Variants in GRIN2D observed in about 807,000 individuals in gnomAD.
GRIN2D encodes the protein glutamate receptor ionotropic, NMDA 2D.
GRIN2D carries 37 observed loss-of-function variants against 103.2 expected under a neutral mutation model. The ratio of observed to expected loss-of-function variants is 0.36; its 90% CI spans 0.28 to 0.47. The LOEUF is 0.47. Among genes scored for constraint, GRIN2D ranks in the 20% least tolerant of loss-of-function variants. The probability of loss-of-function intolerance (pLI) is 1.00; values close to 1 mark genes in which losing one functional copy is unlikely to be tolerated. For missense variants in GRIN2D, 1,557 were observed against 1,910.6 expected (o/e 0.81, Z 3.45); for synonymous variants, 845 against 885.6 (o/e 0.95, Z 0.81).
In GRIN2D at chr19:48,394,577, G is replaced by T. The variant is rs1318078791; in HGVS notation, c.-305-81G>T. ...CGGCAGAGGGGGGCACCCCGGGTGG[G>T]CGGAGGGGGGATCCCCACGGGGTCG... On this transcript the variant is annotated intron_variant, in intron 1 of 13. Coordinates refer to ENST00000263269, the MANE Select transcript of GRIN2D (RefSeq NM_000836.4). The surrounding 1 kb of genome is among the most constrained non-coding windows in gnomAD (Gnocchi z 5.1). Among the ~76,000 whole-genome samples, 1 of 151,082 alleles carries T rather than the reference G, an allele frequency of 6.6e-6. No individual in the cohort carries two copies. Among genetic ancestry groups the T allele is most frequent in the Non-Finnish European group, 1.5e-5 (1 of 67,648 alleles).
At chr19:48,419,166 A>C (rs1306731156) in intron 8 of GRIN2D, 68 bp from the exon 9 acceptor site, 34 of 1,494,762 alleles carry the variant, frequency 2.3e-5, no homozygotes, top group Non-Finnish European at 3.0e-5. Context: ...GGCGTGAGGC[A>C]CCGCCCCAGC....
chr19:48,442,806 C>T lies in GRIN2D; in HGVS notation c.2880C>T (p.Gly960=), dbSNP rs1971316393. ...GPPGGAGLAD[G]FHRYYGPIEP... ...CGGGGGGCGCGGGCCTGGCCGACGG[C>T]TTCCACCGCTACTACGGCCCCATCG... is the stretch of plus-strand genomic sequence containing the variant. The change falls in exon 14 of 14, where the codon GGC becomes GGT. Residue 960 remains glycine, a synonymous_variant. Coordinates refer to ENST00000263269, the MANE Select transcript of GRIN2D (RefSeq NM_000836.4). The surrounding 1 kb of genome is among the most constrained non-coding windows in gnomAD (Gnocchi z 7.2). 9.3e-7 allele frequency: 1 copy of T among 1,075,572 alleles called. No individual in the cohort carries two copies. The highest frequency in any genetic ancestry group is 1.1e-6 in the Non-Finnish European group (1 of 889,612). The allele number at this position is 1,075,572 out of a possible 1,614,324, so 66.6% of individuals were successfully genotyped here.
Position 48,443,206 on chromosome 19 carries a change from C to G in GRIN2D, c.3280C>G (p.Pro1094Ala). 1 of 1,257,068 alleles carries G rather than the reference C, an allele frequency of 8.0e-7. No homozygotes were observed. The highest frequency in any genetic ancestry group is 3.4e-5 in the East Asian group (1 of 29,224). 77.9% of individuals were successfully genotyped at this position (1,257,068 alleles called of 1,614,324 possible). The change falls in exon 14 of 14, where the codon CCC becomes GCC. Residue 1094 changes from proline (P) to alanine (A), a missense_variant. Physicochemically the swap from Pro to Ala is conservative, Grantham distance 27. Coordinates refer to ENST00000263269, the MANE Select transcript of GRIN2D (RefSeq NM_000836.4). This position sits in a 1 kb window ranked among gnomAD's most constrained non-coding sequence, Gnocchi z 8.9. Reference protein sequence around the residue: ...GAGGGAPAAPPPCRAAPPPCP... With the variant: ...GAGGGAPAAPAPCRAAPPPCP... ...AGGCGGAGGAGCCCCGGCCGCTCCGCCCCCGTGCCGCGCCGCGCCGCCCCC... is the reference window on the plus strand; with the variant it reads ...AGGCGGAGGAGCCCCGGCCGCTCCGGCCCCGTGCCGCGCCGCGCCGCCCCC...
At chr19:48,401,992 T>C (rs1017587919) in intron 3 of GRIN2D, among the ~76,000 whole-genome samples, 10 of 151,862 alleles carry the variant, frequency 6.6e-5, no homozygotes, top group Non-Finnish European at 1.5e-4. Context: ...CCCAGCTACT[T>C]GGGAGGCTGA....
intron 11 of GRIN2D, among the ~76,000 whole-genome samples, chr19:48,439,730 G>A (rs945292551): frequency 1.3e-5 from 2 of 152,202 alleles, no homozygotes; most frequent in African/African-American, 4.8e-5. Context: ...GATAACCTGA[G>A]GTTGGGAGTT....
chr19:48,410,093 A>G (rs1049720895), intron 4 of GRIN2D, among the ~76,000 whole-genome samples: 2 of 150,866 alleles, frequency 1.3e-5, no homozygotes, highest in African/African-American at 4.9e-5. Flanking sequence ...CCTGGACTTG[A>G]TTCTGAGAGT....
chr19:48,397,107 C>G (rs1403858109), intron 2 of GRIN2D, among the ~76,000 whole-genome samples: 1 of 151,296 alleles, frequency 6.6e-6, no homozygotes, highest in Non-Finnish European at 1.5e-5. Context: ...CCACCCCACC[C>G]AGCTCTCCAC....
At chr19:48,440,188 G>A in intron 11 of GRIN2D, among the ~76,000 whole-genome samples, 1 of 152,262 alleles carries the variant, frequency 6.6e-6, no homozygotes, top group East Asian at 1.9e-4. Context: ...TCCAGCCTGG[G>A]GGACAAGAGT....
rs533138022 is a variant in GRIN2D at position 48,432,953 on chromosome 19, G to A, written c.2253-8816G>A. Among the ~76,000 whole-genome samples the A allele has an allele frequency of 7.0e-4, 105 of 150,282 alleles. 1 individual carries two copies. Among genetic ancestry groups the A allele is most frequent in the African/African-American group, 2.4e-3 (100 of 41,150 alleles). On this transcript the variant is annotated intron_variant, in intron 11 of 13. Transcript: ENST00000263269. ...CTACAGGCGCCCGCAACCATGCCCA[G>A]CTAATTTTTGTATTTTCAGTAGAGG...
chr19:48,397,464 T>C (rs1368666152), intron 2 of GRIN2D, among the ~76,000 whole-genome samples: 1 of 152,058 alleles, frequency 6.6e-6, no homozygotes, highest in Non-Finnish European at 1.5e-5. Flanking sequence ...TCTGTCCTCC[T>C]GTTTTCGCTC....
chr19:48,430,037 T>C (rs1185017189), intron 11 of GRIN2D, among the ~76,000 whole-genome samples: 1 of 152,224 alleles, frequency 6.6e-6, no homozygotes, highest in African/African-American at 2.4e-5. Context: ...CTTCTCACTA[T>C]GGAAGACATA....
At position 48,442,409 on chromosome 19, in the gene GRIN2D, G is replaced by A. The variant is rs201199379; in HGVS notation, c.2673+27G>A. On this transcript the variant is annotated intron_variant, in intron 13 of 13. Transcript: ENST00000263269. The surrounding 1 kb of genome is among the most constrained non-coding windows in gnomAD (Gnocchi z 7.2). ...TATGGGGCAGAGAGGGAGGCAGAGA[G>A]GGGGAGATGGCAGGGGCGGGGACAA... The A allele has an allele frequency of 6.3e-6, 10 of 1,588,682 alleles. 1 individual carries two copies. The African/African-American group carries it at 6.7e-5, about 11-fold the overall frequency.
intron 3 of GRIN2D, among the ~76,000 whole-genome samples, chr19:48,399,971 G>A (rs914273463): frequency 6.6e-6 from 1 of 152,100 alleles, no homozygotes; most frequent in Admixed American, 6.5e-5. Flanking sequence ...GTTTGAGAAG[G>A]GGCATACCCC....
In GRIN2D at chr19:48,442,429, G is replaced by A. The variant is rs1340317573; in HGVS notation, c.2673+47G>A. The stretch of plus-strand genomic sequence containing the variant: ...AGAGAGGGGGAGATGGCAGGGGCGG[G>A]GACAAAGGTAAAGCCGAGCAGAGAC... On this transcript the variant is annotated intron_variant, in intron 13 of 13. Coordinates refer to ENST00000263269, the MANE Select transcript of GRIN2D (RefSeq NM_000836.4). This position sits in a 1 kb window ranked among gnomAD's most constrained non-coding sequence, Gnocchi z 7.2. The A allele has an allele frequency of 1.3e-6, 2 of 1,573,820 alleles. No homozygotes were observed. Among genetic ancestry groups the A allele is most frequent in the East Asian group, 4.5e-5 (2 of 44,584 alleles).
intron 11 of GRIN2D, among the ~76,000 whole-genome samples, chr19:48,424,354 G>T (rs935546766): frequency 3.8e-4 from 54 of 143,754 alleles, no homozygotes; most frequent in Admixed American, 1.1e-3. Context: ...CACTGCAAGC[G>T]CCGCCTCCCG....
rs189617995 is a variant in GRIN2D, at chr19:48,403,477, T to C, written c.466-1257T>C. On this transcript the variant is annotated intron_variant, in intron 3 of 13. Transcript: ENST00000263269. ...CTGGTCCTTGATTCAGGATAAATTTTATTTAATTTTAATTTGAATAGTTAT... is the reference window on the plus strand; with the variant it reads ...CTGGTCCTTGATTCAGGATAAATTTCATTTAATTTTAATTTGAATAGTTAT... 2.4e-3 allele frequency among the ~76,000 whole-genome samples: 367 copies of C among 152,324 alleles called. 1 individual carries two copies. The highest frequency in any genetic ancestry group is 3.8e-3 in the Non-Finnish European group (257 of 68,028).
rs569486566 is a variant in GRIN2D at position 48,434,590 on chromosome 19, T to A, written c.2253-7179T>A. Among the ~76,000 whole-genome samples, 113 of 152,022 alleles carry A rather than the reference T, an allele frequency of 7.4e-4. 1 individual carries two copies. In the South Asian group the frequency reaches 0.012, roughly 17 times the overall value. On this transcript the variant is annotated intron_variant, in intron 11 of 13. Transcript: ENST00000263269. ...TTTCTTTTCTTTCGAACTTCTTTTT[T>A]AAAAATTTTTAATTGTATTTTTTTT...
intron 4 of GRIN2D, among the ~76,000 whole-genome samples, chr19:48,407,377 G>A (rs1970805689): frequency 6.6e-6 from 1 of 151,708 alleles, no homozygotes; most frequent in Non-Finnish European, 1.5e-5. Context: ...TCTCCCAGAC[G>A]CTGTTCAGTT....
At chr19:48,407,680 A>G (rs538574090) in intron 4 of GRIN2D, among the ~76,000 whole-genome samples, 35 of 152,318 alleles carry the variant, frequency 2.3e-4, no homozygotes, top group Admixed American at 5.9e-4. Context: ...CACAGGGTGT[A>G]TATAGTGTTA....
Sources: allele counts gnomAD v4.1 joint callset (sites outside exome capture counted in the v4.1 genomes callset), GRCh38; gene constraint gnomAD v4.1.1; non-coding constraint Gnocchi (gnomAD v3.1); transcripts MANE v1.5; gene names NCBI Gene and HGNC (gene_info 2026-07-23, HGNC 2026-07-21).